NLGN1: variants seen among roughly 807,000 people sequenced by gnomAD.
NLGN1 encodes neuroligin 1.
In NLGN1, 12 loss-of-function variants were observed where a neutral mutation model predicts 65.5. The ratio of observed to expected loss-of-function variants is 0.18; its 90% CI spans 0.12 to 0.30. NLGN1 has a LOEUF of 0.30. Ranked by LOEUF, NLGN1 falls within the 10% of genes least tolerant of loss-of-function variation. The probability of loss-of-function intolerance (pLI) is 1.00; values close to 1 mark genes in which losing one functional copy is unlikely to be tolerated. For synonymous variants in NLGN1, 350 were observed against 359.5 expected (o/e 0.97, Z 0.30); for missense variants, 750 against 1,007.1 (o/e 0.74, Z 3.46).
At chr3:173,604,759 T>G in exon 3 of NLGN1, 2 of 1,613,752 alleles carry the variant, frequency 1.2e-6, no homozygotes, top group South Asian at 1.1e-5. Context: ...GTGGACCCAC[T>G]GGTGGCTACC....
chr3:174,081,664 C>T (rs1034028358), intron 4 of NLGN1, among the ~76,000 whole-genome samples: 9 of 150,052 alleles, frequency 6.0e-5, no homozygotes, highest in Admixed American at 1.3e-4. Context: ...CTTGGCTCAC[C>T]GGGTTCAAGC....
At position 173,442,247 on chromosome 3, in the gene NLGN1, T is replaced by C. The variant is rs540145533; in HGVS notation, c.-321+7169T>C. Among the ~76,000 whole-genome samples, 232 of 152,300 alleles carry C rather than the reference T, an allele frequency of 1.5e-3. 2 individuals carry two copies. The highest frequency in any genetic ancestry group is 5.4e-3 in the African/African-American group (225 of 41,572). ...AATCATTAATTATTGAAAATCTTAA[T>C]GCTATAAAAAACTAAGTGGGGTTTT... On this transcript the variant is annotated intron_variant, in intron 2 of 6. Coordinates refer to ENST00000457714, the Ensembl canonical transcript of NLGN1.
At chr3:173,505,150 C>A (rs1467262912) in intron 2 of NLGN1, among the ~76,000 whole-genome samples, 1 of 151,962 alleles carries the variant, frequency 6.6e-6, no homozygotes, top group Admixed American at 6.6e-5. Context: ...TTGCTTGAGT[C>A]AGGAAACAGA....
At chr3:174,002,679 A>G (rs1032129681) in intron 4 of NLGN1, among the ~76,000 whole-genome samples, 1 of 152,212 alleles carries the variant, frequency 6.6e-6, no homozygotes, top group African/African-American at 2.4e-5. Context: ...ACAAATGTTA[A>G]AAACCACAGT....
At chr3:173,499,222 T>A (rs1479016463) in intron 2 of NLGN1, among the ~76,000 whole-genome samples, 4 of 151,744 alleles carry the variant, frequency 2.6e-5, no homozygotes, top group Non-Finnish European at 4.4e-5. Flanking sequence ...ATCTTGAATT[T>A]ATTTTTGTAT....
At chr3:174,081,569 C>T (rs1299312216) in intron 4 of NLGN1, among the ~76,000 whole-genome samples, 1 of 151,056 alleles carries the variant, frequency 6.6e-6, no homozygotes, top group African/African-American at 2.4e-5. Flanking sequence ...GTCCCACTTC[C>T]TAATACCATC....
Position 174,275,435 on chromosome 3 carries a change from C to CTGTT in NLGN1, c.769_772dup (p.Phe258CysfsTer21), listed in dbSNP as rs776166787. ...TTTGGTGGTGACCCCTTAAGAATCA[C>CTGTT]TGTTTTTGGATCTGGTGCTGGGGGT... On this transcript the variant is annotated frameshift_variant, in exon 5 of 7. Coordinates refer to ENST00000457714, the Ensembl canonical transcript of NLGN1. LOFTEE classifies it high-confidence loss of function. 1 of 1,612,522 alleles carries CTGTT rather than the reference C, an allele frequency of 6.2e-7. No homozygotes were observed. Among genetic ancestry groups the CTGTT allele is most frequent in the Non-Finnish European group, 8.5e-7 (1 of 1,178,970 alleles).
intron 3 of NLGN1, among the ~76,000 whole-genome samples, chr3:173,695,852 T>C (rs904858775): frequency 2.0e-5 from 3 of 152,222 alleles, no homozygotes; most frequent in Non-Finnish European, 4.4e-5. Context: ...TGCCTGGCAC[T>C]GTGCCCAGCA....
chr3:174,248,296 A>G (rs572226494), intron 4 of NLGN1, among the ~76,000 whole-genome samples: 112 of 152,274 alleles, frequency 7.4e-4, no homozygotes, highest in Non-Finnish European at 1.3e-3. Flanking sequence ...TTTCCCCTCA[A>G]CCTTCTCAAA....
intron 2 of NLGN1, among the ~76,000 whole-genome samples, chr3:173,486,197 A>T (rs1728150734): frequency 6.6e-6 from 1 of 152,064 alleles, no homozygotes; most frequent in African/African-American, 2.4e-5. Context: ...GGCATGCGCC[A>T]CCACTCCTGG....
At chr3:173,607,011 A>C (rs932331231) in intron 3 of NLGN1, among the ~76,000 whole-genome samples, 2 of 151,982 alleles carry the variant, frequency 1.3e-5, no homozygotes, top group African/African-American at 4.8e-5. Context: ...GTTGATTCAC[A>C]AAGTCATAAA....
At chr3:174,163,253 C>G (rs1300717957) in intron 4 of NLGN1, among the ~76,000 whole-genome samples, 1 of 151,914 alleles carries the variant, frequency 6.6e-6, no homozygotes, top group Non-Finnish European at 1.5e-5. Flanking sequence ...AATTTTTTCT[C>G]CTTTCATGAG....
intron 2 of NLGN1, among the ~76,000 whole-genome samples, chr3:173,565,127 C>T (rs1373355804): frequency 6.6e-6 from 1 of 152,018 alleles, no homozygotes; most frequent in Non-Finnish European, 1.5e-5. Context: ...TGGGTATGTG[C>T]AGTATAAGGT....
At chr3:173,722,570 T>C (rs13067635) in intron 3 of NLGN1, among the ~76,000 whole-genome samples, 37,350 of 151,854 alleles carry the variant, frequency 0.25, 4,661 homozygotes, top group Admixed American at 0.27. Flanking sequence ...CATAAGTGAC[T>C]TCAAATCTGC....
Position 173,535,091 on chromosome 3 carries a change from C to T in NLGN1, c.-320-69188C>T, listed in dbSNP as rs143137829. Among the ~76,000 whole-genome samples, 649 of 151,776 alleles carry T rather than the reference C, an allele frequency of 4.3e-3. 8 individuals carry two copies. The highest frequency in any genetic ancestry group is 5.2e-3 in the Non-Finnish European group (353 of 67,954). ...CACATACAATTTAACAGAATGAAAA[C>T]GGATAGATTAAAAATATAGAGTAAA... On this transcript the variant is annotated intron_variant, in intron 2 of 6. Transcript: ENST00000457714.
At chr3:173,537,531 TAATAA>T (rs1007077143) in intron 2 of NLGN1, among the ~76,000 whole-genome samples, 14 of 151,986 alleles carry the variant, frequency 9.2e-5, no homozygotes, top group African/African-American at 3.1e-4. Flanking sequence ...AATATATTTA[TAATAA>T]AATAAAGAAG....
intron 2 of NLGN1, among the ~76,000 whole-genome samples, chr3:173,566,903 T>C (rs1238843636): frequency 6.6e-6 from 1 of 152,090 alleles, no homozygotes; most frequent in East Asian, 1.9e-4. Context: ...TTTTGAAAAC[T>C]TTAGAAAGGG....
intron 4 of NLGN1, among the ~76,000 whole-genome samples, chr3:174,006,416 G>A (rs889790622): frequency 3.3e-5 from 5 of 151,918 alleles, no homozygotes; most frequent in South Asian, 4.2e-4. Context: ...CTTTCTATCC[G>A]TACTGACATT....
At chr3:173,600,794 T>C (rs890870176) in intron 2 of NLGN1, among the ~76,000 whole-genome samples, 2 of 151,708 alleles carry the variant, frequency 1.3e-5, no homozygotes, top group African/African-American at 4.8e-5. Context: ...GTTCATGTCT[T>C]TCAATTCTCC....
Sources: allele counts gnomAD v4.1 joint callset (sites outside exome capture counted in the v4.1 genomes callset), GRCh38; gene constraint gnomAD v4.1.1; transcripts MANE v1.5; gene names NCBI Gene and HGNC (gene_info 2026-07-23, HGNC 2026-07-21).